Variants in CACNA2D3 observed in about 807,000 individuals in gnomAD.
CACNA2D3 encodes voltage-dependent calcium channel subunit alpha-2/delta-3.
A neutral mutation model predicts 160.6 loss-of-function variants in CACNA2D3; 60 were observed. The ratio of observed to expected loss-of-function variants is 0.37; its 90% CI spans 0.30 to 0.46. CACNA2D3 has a LOEUF of 0.46. Among genes scored for constraint, CACNA2D3 ranks in the 20% least tolerant of loss-of-function variants. CACNA2D3 has a pLI of 1.00. For missense variants in CACNA2D3, 1,205 were observed against 1,365.0 expected (o/e 0.88, Z 1.85); for synonymous variants, 558 against 492.9 (o/e 1.13, Z -1.75).
intron 13 of CACNA2D3, among the ~76,000 whole-genome samples, chr3:54,770,521 T>C (rs1238528532): frequency 6.6e-6 from 1 of 152,190 alleles, no homozygotes; most frequent in Non-Finnish European, 1.5e-5. Flanking sequence ...ATTAAATGAG[T>C]GCTGGCAGCA....
chr3:55,050,503 G>A (rs1272951121), intron 35 of CACNA2D3, among the ~76,000 whole-genome samples: 26 of 151,030 alleles, frequency 1.7e-4, no homozygotes, highest in African/African-American at 5.9e-4. Flanking sequence ...CCCTTTGAGG[G>A]TAACTCGACC....
intron 4 of CACNA2D3, among the ~76,000 whole-genome samples, chr3:54,391,240 A>T (rs1575429491): frequency 6.6e-6 from 1 of 152,312 alleles, no homozygotes; most frequent in Middle Eastern, 3.4e-3. Flanking sequence ...TTATTATTAC[A>T]ATTTTATTTT....
intron 13 of CACNA2D3, chr3:54,789,787 C>G (rs890182472): frequency 6.1e-6 from 3 of 493,438 alleles, no homozygotes; most frequent in Non-Finnish European, 1.2e-5. Context: ...AGGCAGTGTT[C>G]ACTGAGGCCA....
chr3:54,820,896 T>C (rs1406222878), intron 14 of CACNA2D3, among the ~76,000 whole-genome samples: 1 of 152,226 alleles, frequency 6.6e-6, no homozygotes, highest in East Asian at 1.9e-4. Flanking sequence ...AGCTGCATTT[T>C]TCTTCACGTA....
At chr3:54,583,431 A>T (rs1702711231) in intron 9 of CACNA2D3, among the ~76,000 whole-genome samples, 1 of 152,222 alleles carries the variant, frequency 6.6e-6, no homozygotes, top group Non-Finnish European at 1.5e-5. Context: ...TTCTGCCAAT[A>T]TGGAGTAACC....
intron 14 of CACNA2D3, among the ~76,000 whole-genome samples, chr3:54,821,680 CTTTCTTTCTTTCT>C (rs1559594922): frequency 3.2e-4 from 41 of 130,048 alleles, no homozygotes; most frequent in South Asian, 2.4e-3. Context: ...TTCTTTCTTT[CTTTCTTTCTTTCT>C]TTCTTTCCTT....
At chr3:54,875,011 C>A (rs1699625468) in intron 18 of CACNA2D3, 1 of 152,008 alleles carries the variant, frequency 6.6e-6, no homozygotes, top group South Asian at 2.1e-4. Flanking sequence ...AGCCTTTTTT[C>A]CCCTACTACC....
chr3:54,536,299 A>G (rs1701888280), intron 5 of CACNA2D3, among the ~76,000 whole-genome samples: 1 of 152,200 alleles, frequency 6.6e-6, no homozygotes, highest in Non-Finnish European at 1.5e-5. Flanking sequence ...ATTGGATTAT[A>G]GGTTGCCCTT....
chr3:54,515,166 G>T (rs375155321), intron 5 of CACNA2D3, among the ~76,000 whole-genome samples: 2 of 130,848 alleles, frequency 1.5e-5, no homozygotes, highest in African/African-American at 5.9e-5. Flanking sequence ...AAATCCGTGT[G>T]TGTGTGTCTG....
intron 17 of CACNA2D3, among the ~76,000 whole-genome samples, chr3:54,858,394 G>T (rs779462940): frequency 6.6e-6 from 1 of 152,152 alleles, no homozygotes; most frequent in Non-Finnish European, 1.5e-5. Context: ...CTCACCGGGG[G>T]TAGGAATACA....
intron 2 of CACNA2D3, among the ~76,000 whole-genome samples, chr3:54,296,350 A>C (rs1703342616): frequency 6.6e-6 from 1 of 152,114 alleles, no homozygotes; most frequent in South Asian, 2.1e-4. Flanking sequence ...TTGGTTATGT[A>C]GGAAAGTACA....
At chr3:54,270,436 A>T (rs149288473) in intron 2 of CACNA2D3, among the ~76,000 whole-genome samples, 4 of 152,176 alleles carry the variant, frequency 2.6e-5, no homozygotes, top group Non-Finnish European at 5.9e-5. Flanking sequence ...CACCATTGCC[A>T]CCATTCAACA....
chr3:54,737,323 A>T (rs1467401955), intron 11 of CACNA2D3, among the ~76,000 whole-genome samples: 2 of 151,990 alleles, frequency 1.3e-5, no homozygotes, highest in Non-Finnish European at 2.9e-5. Flanking sequence ...AAAAAGGGGG[A>T]CTTATGATAG....
chr3:54,296,942 T>C (rs1478100570), intron 2 of CACNA2D3, among the ~76,000 whole-genome samples: 1 of 152,184 alleles, frequency 6.6e-6, no homozygotes, highest in Non-Finnish European at 1.5e-5. Context: ...TCAGCGTCTT[T>C]GGAGGTCAGG....
At chr3:54,443,076 T>G (rs543774589) in intron 4 of CACNA2D3, among the ~76,000 whole-genome samples, 5 of 152,324 alleles carry the variant, frequency 3.3e-5, no homozygotes, top group African/African-American at 1.2e-4. Flanking sequence ...TACTGGAAAC[T>G]CCTGGCTCAC....
chr3:54,806,649 A>G (rs984384632), intron 13 of CACNA2D3, among the ~76,000 whole-genome samples: 6 of 152,184 alleles, frequency 3.9e-5, no homozygotes, highest in African/African-American at 1.2e-4. Context: ...TATAGATTCA[A>G]TGCCATCCCC....
intron 4 of CACNA2D3, among the ~76,000 whole-genome samples, chr3:54,416,025 C>T (rs1575443336): frequency 1.3e-5 from 2 of 152,300 alleles, no homozygotes; most frequent in Non-Finnish European, 2.9e-5. Flanking sequence ...AAAAACCCCT[C>T]TAAATTAGAT....
In CACNA2D3 at chr3:54,267,856, G is replaced by A. The variant is rs536410897; in HGVS notation, c.205-52586G>A. Among the ~76,000 whole-genome samples, 13 of 152,236 alleles carry A rather than the reference G, an allele frequency of 8.5e-5. No individual in the cohort carries two copies. In the South Asian group the frequency reaches 2.1e-3, roughly 24 times the overall value. On this transcript the variant is annotated intron_variant, in intron 2 of 37. Transcript: ENST00000474759. ...ATCCTAAACCCTTATGATTTTTCAG[G>A]GATTTGCAATTCATCCATATAATGA...
At chr3:54,792,361 T>C (rs1208084920) in intron 13 of CACNA2D3, among the ~76,000 whole-genome samples, 1 of 152,212 alleles carries the variant, frequency 6.6e-6, no homozygotes. Flanking sequence ...ACCACTGGAA[T>C]AGATAACTTA....
Sources: gnomAD v4.1 joint callset for allele counts (sites outside exome capture counted in the v4.1 genomes callset) on GRCh38, gnomAD v4.1.1 for gene constraint, MANE v1.5 for transcripts, NCBI Gene and HGNC (gene_info 2026-07-23, HGNC 2026-07-21) for gene names.